ZNF10: variants seen among roughly 807,000 people sequenced by gnomAD.
ZNF10 encodes zinc finger protein 10.
In ZNF10, 8 loss-of-function variants were observed where a neutral mutation model predicts 12.2. The observed-to-expected ratio is 0.66, with a 90% CI of 0.39 to 1.18. ZNF10 has a LOEUF of 1.18. Among genes scored for constraint, ZNF10 ranks in the 50% most tolerant of loss-of-function variants. The pLI is 0.01. For synonymous variants in ZNF10, 229 were observed against 228.2 expected, an observed-to-expected ratio of 1.00 and a Z score of -0.03; for missense variants, 603 against 678.9, an observed-to-expected ratio of 0.89 and a Z score of 1.24.
At chr12:133,142,751 A>G (rs1212893707) in intron 1 of ZNF10, among the ~76,000 whole-genome samples, 3 of 152,216 alleles carry the variant, frequency 2.0e-5, no homozygotes, top group Non-Finnish European at 4.4e-5. Flanking sequence ...CCTGGTGTGA[A>G]TGTAAAAATG....
intron 2 of ZNF10, 24 bp from the exon 3 acceptor site, chr12:133,151,004 A>T: frequency 6.2e-7 from 1 of 1,608,890 alleles, no homozygotes; most frequent in Middle Eastern, 1.7e-4. Context: ...ATCTGGTGCA[A>T]TGCAAATGTG....
chr12:133,135,851 T>C (rs10735674), intron 1 of ZNF10, among the ~76,000 whole-genome samples: 144,259 of 152,348 alleles, frequency 0.95, 69,267 homozygotes, highest in Middle Eastern at 1. Context: ...TTTCTTCTGT[T>C]CAGGCAGCGA....
At chr12:133,131,287 C>T (rs971397383) in intron 1 of ZNF10, among the ~76,000 whole-genome samples, 1 of 151,656 alleles carries the variant, frequency 6.6e-6, no homozygotes, top group African/African-American at 2.4e-5. Context: ...TTTTCAGAGA[C>T]AGATCATAAG....
chr12:133,138,117 A>G (rs1955923288), intron 1 of ZNF10, among the ~76,000 whole-genome samples: 1 of 152,200 alleles, frequency 6.6e-6, no homozygotes, highest in South Asian at 2.1e-4. Flanking sequence ...CCCAGGTATC[A>G]ATAAATGCCA....
intron 2 of ZNF10, among the ~76,000 whole-genome samples, chr12:133,149,294 A>G (rs962041288): frequency 9.6e-5 from 13 of 136,072 alleles, no homozygotes; most frequent in African/African-American, 3.3e-4. Flanking sequence ...GGATCTCCCT[A>G]TGTTGTCCAG....
At chr12:133,133,482 G>A (rs1386245074) in intron 1 of ZNF10, among the ~76,000 whole-genome samples, 2 of 152,140 alleles carry the variant, frequency 1.3e-5, no homozygotes, top group Admixed American at 1.3e-4. Flanking sequence ...ATTCTTAAGT[G>A]GTTCACTATC....
At chr12:133,134,110 C>T (rs1283418445) in intron 1 of ZNF10, among the ~76,000 whole-genome samples, 2 of 146,514 alleles carry the variant, frequency 1.4e-5, no homozygotes, top group East Asian at 3.9e-4. Context: ...ACCAGCCTGG[C>T]CAACTTGGTG....
intron 3 of ZNF10, 21 bp downstream of exon 3, chr12:133,151,175 G>C (rs752412738): frequency 6.2e-7 from 1 of 1,603,108 alleles, no homozygotes; most frequent in Non-Finnish European, 8.5e-7. Context: ...CTCTGTTTTT[G>C]AAGATTTTGG....
In ZNF10 at chr12:133,159,414, G is replaced by C. The variant is rs1257715425; in HGVS notation, c.*2446G>C. On this transcript the variant is annotated 3_prime_UTR_variant, in exon 5 of 5. Transcript: ENST00000248211. ...AGCATGATAAATAATTGTTAATATG[G>C]AATAAGCTCAAATATGTCAAAATAA... 6.6e-6 allele frequency: 1 copy of C among 152,170 alleles called. No individual in the cohort carries two copies. The highest frequency in any genetic ancestry group is 2.4e-5 in the African/African-American group (1 of 41,458). The allele number at this position is 152,170 out of a possible 1,614,324, so 9.4% of individuals were successfully genotyped here.
At chr12:133,140,573 T>C (rs1170525966) in intron 1 of ZNF10, among the ~76,000 whole-genome samples, 5 of 152,106 alleles carry the variant, frequency 3.3e-5, no homozygotes, top group African/African-American at 1.2e-4. Flanking sequence ...CACTGTTTAA[T>C]GTATTTTGTC....
At chr12:133,138,743 T>C (rs1418457848) in intron 1 of ZNF10, among the ~76,000 whole-genome samples, 1 of 152,206 alleles carries the variant, frequency 6.6e-6, no homozygotes, top group Non-Finnish European at 1.5e-5. Flanking sequence ...AAGCAAGCTC[T>C]ATGAGGGAAG....
At chr12:133,135,449 G>A (rs564748631) in intron 1 of ZNF10, among the ~76,000 whole-genome samples, 2 of 152,272 alleles carry the variant, frequency 1.3e-5, no homozygotes, top group African/African-American at 4.8e-5. Context: ...TTCCTCTGTG[G>A]CATCGCAGTG....
intron 3 of ZNF10, 74 bp from the exon 4 acceptor site, chr12:133,151,735 C>A: frequency 8.5e-7 from 1 of 1,174,076 alleles, no homozygotes; most frequent in Non-Finnish European, 1.3e-6. Context: ...CAGGTTGAAT[C>A]TGAGATGTTT....
At chr12:133,151,707 C>T (rs181747155) in intron 3 of ZNF10, 102 bp from the exon 4 acceptor site, 2 of 757,764 alleles carry the variant, frequency 2.6e-6, no homozygotes, top group East Asian at 5.5e-5. Flanking sequence ...CCTGCCAGTC[C>T]TGCAGAGGGT....
rs1338223408 is a variant in ZNF10, at chr12:133,155,843, A to T, written c.597A>T (p.Leu199Phe). The change falls in exon 5 of 5, where the codon TTA becomes TTT. Residue 199 changes from leucine (L) to phenylalanine (F), a missense_variant. Transcript: ENST00000248211. ...ATACTAAAAGTTTAAAACATGATTT[A>T]GTTCTTAATGGTCATCAGGACAGTT... ...DSHTKSLKHDLVLNGHQDSCA... is the reference protein window; with the variant it reads ...DSHTKSLKHDFVLNGHQDSCA... The T allele has an allele frequency of 1.9e-6, 3 of 1,613,570 alleles. No homozygotes were observed. Among genetic ancestry groups the T allele is most frequent in the African/African-American group, 2.7e-5 (2 of 74,938 alleles).
chr12:133,153,661 G>T (rs1295289755), intron 4 of ZNF10, among the ~76,000 whole-genome samples: 1 of 152,146 alleles, frequency 6.6e-6, no homozygotes, highest in Non-Finnish European at 1.5e-5. Context: ...GATTGTATAA[G>T]GAAGTCATTT....
intron 3 of ZNF10, 135 bp downstream of exon 3, chr12:133,151,289 T>G (rs567984196): frequency 5.6e-6 from 5 of 887,768 alleles, no homozygotes; most frequent in Admixed American, 3.1e-5. Context: ...GAACAGGGTT[T>G]TTTTACTCCA....
At chr12:133,152,014 G>A (rs2270928) in intron 4 of ZNF10, 110 bp downstream of exon 4, 200,812 of 754,152 alleles carry the variant, frequency 0.27, 28,712 homozygotes, top group Non-Finnish European at 0.3. Flanking sequence ...TTCTTCCTGG[G>A]AAGACTGAGT....
intron 1 of ZNF10, among the ~76,000 whole-genome samples, chr12:133,131,288 A>G (rs1487538228): frequency 6.6e-6 from 1 of 152,088 alleles, no homozygotes; most frequent in African/African-American, 2.4e-5. Context: ...TTTCAGAGAC[A>G]GATCATAAGT....
Sources: gnomAD v4.1 joint callset for allele counts (sites outside exome capture counted in the v4.1 genomes callset) on GRCh38, gnomAD v4.1.1 for gene constraint, MANE v1.5 for transcripts, NCBI Gene and HGNC (gene_info 2026-07-23, HGNC 2026-07-21) for gene names.